The following RPUSD4 variants were observed in gnomAD, a reference collection of about 807,000 sequenced individuals.
The protein encoded by RPUSD4 is RNA pseudouridine synthase D4.
A neutral mutation model predicts 35.4 loss-of-function variants in RPUSD4; 37 were observed. The observed-to-expected ratio is 1.04, with a 90% confidence interval of 0.80 to 1.37. The LOEUF (loss-of-function observed/expected upper bound fraction) is 1.37. Ranked by LOEUF, RPUSD4 falls within the 40% of genes most tolerant of loss-of-function variation. The pLI, the probability that RPUSD4 is intolerant of heterozygous loss-of-function variation, is 0.00. For missense variants in RPUSD4, 507 were observed against 484.9 expected (o/e 1.05, Z -0.43); for synonymous variants, 210 against 192.7 (o/e 1.09, Z -0.74).
chr11:126,208,460 C>T lies in RPUSD4; in HGVS notation c.557+1061G>A, dbSNP rs1044461623. ...GATAACTCTGGAAGTTTACAGAAGACACCAGTCACAGCGATTGACGCTGGG... is the reference window on the plus strand; with the variant it reads ...GATAACTCTGGAAGTTTACAGAAGATACCAGTCACAGCGATTGACGCTGGG... On this transcript the variant is annotated intron_variant, in intron 3 of 6. Transcript: ENST00000298317. 3.3e-5 allele frequency among the ~76,000 whole-genome samples: 5 copies of T among 152,298 alleles called. No individual in the cohort carries two copies. The East Asian group carries it at 7.7e-4, about 23-fold the overall frequency.
At chr11:126,211,374 A>G in intron 1 of RPUSD4, 76 bp downstream of exon 1, 1 of 1,451,126 alleles carries the variant, frequency 6.9e-7, no homozygotes, top group Non-Finnish European at 9.3e-7. Flanking sequence ...CACTCAGAGG[A>G]CCCTCCTACC....
intron 3 of RPUSD4, 56 bp downstream of exon 3, chr11:126,209,465 G>T: frequency 2.1e-6 from 3 of 1,438,776 alleles, no homozygotes; most frequent in Non-Finnish European, 2.9e-6. Flanking sequence ...TGAATAAATA[G>T]GTGAAAGAAA....
intron 2 of RPUSD4, 102 bp from the exon 3 acceptor site, chr11:126,209,824 C>G (rs753973054): frequency 6.3e-6 from 6 of 959,412 alleles, no homozygotes; most frequent in Non-Finnish European, 9.5e-6. Flanking sequence ...TCAATATTTT[C>G]TAGAGCCTTA....
intron 1 of RPUSD4, 61 bp downstream of exon 1, chr11:126,211,388 TC>T: frequency 6.6e-7 from 1 of 1,515,800 alleles, no homozygotes. Flanking sequence ...TCCTACCTAC[TC>T]CCCGTCTGGG....
chr11:126,209,277 C>T (rs1443710260), intron 3 of RPUSD4: 1 of 448,610 alleles, frequency 2.2e-6, no homozygotes, highest in East Asian at 4.1e-5. Context: ...AGGCGTGAGC[C>T]ACCATGTCCA....
Position 126,211,472 on chromosome 11 carries a change from T to G in RPUSD4, c.167A>C (p.Glu56Ala), listed in dbSNP as rs1949867783. Residue 56 changes from glutamate to alanine, a missense_variant, in exon 1 of 7, where the codon GAA becomes GCA. By Grantham distance (107) the Glu-to-Ala change is moderately radical. Transcript: ENST00000298317. ...LAEKLRAQKR[E>A]QDTKKEPVST... is the part of the protein sequence containing the mutation. ...CACCGGCTCCTTCTTTGTGTCTTGT[T>G]CCCGTTTCTGGGCTCGGAGCTTCTC... The G allele has an allele frequency of 1.2e-6, 2 of 1,613,846 alleles. No individual in the cohort carries two copies. The highest frequency in any genetic ancestry group is 4.5e-5 in the East Asian group (2 of 44,872).
chr11:126,205,220 A>C (rs1407357826), intron 5 of RPUSD4, among the ~76,000 whole-genome samples: 1 of 152,208 alleles, frequency 6.6e-6, no homozygotes, highest in East Asian at 1.9e-4. Flanking sequence ...GAACTGCTGG[A>C]TCTTACAATA....
chr11:126,209,308 T>C (rs1219383258), intron 3 of RPUSD4: 1 of 528,924 alleles, frequency 1.9e-6, no homozygotes, highest in South Asian at 2.4e-5. Flanking sequence ...GTATAATTAA[T>C]TTTTGATAAT....
At chr11:126,205,370 C>T in intron 5 of RPUSD4, 98 bp downstream of exon 5, 2 of 1,461,012 alleles carry the variant, frequency 1.4e-6, no homozygotes, top group South Asian at 2.5e-5. Context: ...CATTCTCACA[C>T]AAGTCAGCCA....
intron 5 of RPUSD4, among the ~76,000 whole-genome samples, chr11:126,205,084 T>C (rs1392174694): frequency 6.6e-6 from 1 of 152,236 alleles, no homozygotes. Context: ...ATGTGTATGC[T>C]ACATTTTGTT....
Position 126,211,647 on chromosome 11 carries a change from G to A in RPUSD4, c.-9C>T, listed in dbSNP as rs1316413416. The A allele has an allele frequency of 6.8e-6, 11 of 1,610,462 alleles. No individual in the cohort carries two copies. Among genetic ancestry groups the A allele is most frequent in the Non-Finnish European group, 9.3e-6 (11 of 1,179,110 alleles). On this transcript the variant is annotated 5_prime_UTR_variant, in exon 1 of 7. Transcript: ENST00000298317. ...CACCTGGGCGCCGCCATCTTACAAGGAAGGGCGGGGCGAGCCAAGACCACG... is the reference window on the plus strand; with the variant it reads ...CACCTGGGCGCCGCCATCTTACAAGAAAGGGCGGGGCGAGCCAAGACCACG...
rs149309585 is a variant in RPUSD4 at position 126,205,470 on chromosome 11, G to A, written c.794C>T (p.Thr265Ile). ...SSALVELQPI[T>I]GIKHQLRVHL... ...CTGCGGAAAAGTGACACTCTCACCA[G>A]TGATGGGCTGGAGCTCCACGAGGGC... The change falls in exon 5 of 7, where the codon ACT (threonine) becomes ATT (isoleucine). Residue 265 changes from threonine to isoleucine, a missense_variant and splice_region_variant. Coordinates refer to ENST00000298317, the MANE Select transcript of RPUSD4 (RefSeq NM_032795.3). The A allele has an allele frequency of 1.7e-5, 27 of 1,614,150 alleles. No homozygotes were observed. The African/African-American group carries it at 2.0e-4, about 12-fold the overall frequency.
chr11:126,205,527 T>C lies in RPUSD4; in HGVS notation c.737A>G (p.Gln246Arg). The C allele has an allele frequency of 6.2e-7, 1 of 1,614,288 alleles. No individual in the cohort carries two copies. The highest frequency in any genetic ancestry group is 8.5e-7 in the Non-Finnish European group (1 of 1,180,046). The change falls in exon 5 of 7, where the codon CAG (glutamine) becomes CGG (arginine). Residue 246 changes from glutamine to arginine, a missense_variant. By Grantham distance (43) the Gln-to-Arg change is conservative (BLOSUM62 1). Transcript: ENST00000298317. Reference protein sequence around the residue: ...RSRNAQVAVTQYQVLSSTLSS... With the variant: ...RSRNAQVAVTRYQVLSSTLSS... Reference sequence around the variant, plus strand: ...GAGAGTGCTGCTGAGCACCTGGTACTGAGTTACAGCAACTTGCGCATTCCG... The same window carrying C: ...GAGAGTGCTGCTGAGCACCTGGTACCGAGTTACAGCAACTTGCGCATTCCG...
chr11:126,210,319 C>T (rs1481984589), intron 2 of RPUSD4, among the ~76,000 whole-genome samples: 3 of 152,292 alleles, frequency 2.0e-5, no homozygotes, highest in African/African-American at 4.8e-5. Flanking sequence ...CAACTATCTC[C>T]GTATCTCCCC....
chr11:126,210,680 T>C (rs978479197), intron 2 of RPUSD4, among the ~76,000 whole-genome samples: 2 of 152,148 alleles, frequency 1.3e-5, no homozygotes, highest in Non-Finnish European at 2.9e-5. Context: ...ATTCTACGAA[T>C]TGCTTACTGT....
intron 5 of RPUSD4, among the ~76,000 whole-genome samples, chr11:126,205,140 G>C (rs1174996378): frequency 6.6e-6 from 1 of 152,092 alleles, no homozygotes; most frequent in Non-Finnish European, 1.5e-5. Context: ...TTCACATTTT[G>C]TTGCTGTGAA....
chr11:126,205,960 G>T, intron 3 of RPUSD4, 179 bp from the exon 4 acceptor site: 1 of 481,568 alleles, frequency 2.1e-6, no homozygotes, highest in Non-Finnish European at 3.6e-6. Flanking sequence ...GATTTCACAA[G>T]CTTATCTTTT....
chr11:126,206,047 C>T (rs1283855406), intron 3 of RPUSD4: 4 of 324,068 alleles, frequency 1.2e-5, no homozygotes, highest in African/African-American at 2.1e-5. Context: ...ATAACATGGT[C>T]TTTCCAGTCT....
intron 2 of RPUSD4, 134 bp downstream of exon 2, chr11:126,210,756 T>TTTAA: frequency 2.7e-6 from 2 of 740,596 alleles, no homozygotes; most frequent in South Asian, 2.2e-5. Context: ...TTCCTTATAT[T>TTTAA]GGACGGTAGT....
Sources: allele counts gnomAD v4.1 joint callset (sites outside exome capture counted in the v4.1 genomes callset), GRCh38; gene constraint gnomAD v4.1.1; transcripts MANE v1.5; gene names NCBI Gene and HGNC (gene_info 2026-07-23, HGNC 2026-07-21).